GALNT14: variants seen among roughly 807,000 people sequenced by gnomAD.
GALNT14 encodes the protein UDP-GalNAc:polypeptide N-acetylgalactosaminyltransferase 14.
A neutral mutation model predicts 77.5 loss-of-function variants in GALNT14; 60 were observed. The ratio of observed to expected loss-of-function variants is 0.77; its 90% confidence interval spans 0.63 to 0.96. The LOEUF (loss-of-function observed/expected upper bound fraction) is 0.96, where lower values mean the gene tolerates loss of function less well. Ranked by LOEUF, GALNT14 falls within the 40% of genes least tolerant of loss-of-function variation. The pLI is 0.00. For synonymous variants in GALNT14, 280 were observed against 281.7 expected (o/e 0.99, Z 0.06); for missense variants, 710 against 731.0 (o/e 0.97, Z 0.33).
chr2:30,894,971 C>T, the GALNT14 span, among the ~76,000 whole-genome samples: 2 of 152,198 alleles, frequency 1.3e-5, no homozygotes, highest in African/African-American at 4.8e-5. Flanking sequence ...ACCTGACTGT[C>T]CATTGGCAGA....
chr2:31,010,106 C>T lies in GALNT14; in HGVS notation c.130-17099G>A, dbSNP rs570534838. ...GTTCAAGCGGTTCTCATGCCTCAGT[C>T]TCCTGAGTAGTTGGGATTACAGGAG... On this transcript the variant is annotated intron_variant, in intron 1 of 14. Transcript: ENST00000349752. Among the ~76,000 whole-genome samples, 6 of 152,346 alleles carry T rather than the reference C, an allele frequency of 3.9e-5. No homozygotes were observed. The South Asian group carries it at 1.2e-3, about 32-fold the overall frequency.
At chr2:30,984,691 T>C (rs1036038262) in intron 2 of GALNT14, among the ~76,000 whole-genome samples, 3 of 152,280 alleles carry the variant, frequency 2.0e-5, no homozygotes, top group East Asian at 3.9e-4. Context: ...AAATGCCTAC[T>C]ACCTGGTAAA....
At chr2:30,938,040 C>T (rs1169116509) in intron 9 of GALNT14, among the ~76,000 whole-genome samples, 8 of 150,798 alleles carry the variant, frequency 5.3e-5, no homozygotes, top group East Asian at 1.9e-4. Flanking sequence ...CACCCACCCA[C>T]CCCCCACCAC....
rs185272664 is a variant in GALNT14 at position 31,034,102 on chromosome 2, C to A, written c.130-41095G>T. On this transcript the variant is annotated intron_variant, in intron 1 of 14. Coordinates refer to ENST00000349752, the MANE Select transcript of GALNT14 (RefSeq NM_024572.4). ...AACAAATGGCAGAAAATTATGGAGC[C>A]AGGACTTAACTCAGTTTCTCTCCTT... Among the ~76,000 whole-genome samples, 30 of 152,264 alleles carry A rather than the reference C, an allele frequency of 2.0e-4. 2 individuals carry two copies. The East Asian group carries it at 4.1e-3, about 21-fold the overall frequency.
intron 1 of GALNT14, among the ~76,000 whole-genome samples, chr2:31,050,426 G>C (rs542722090): frequency 4.6e-4 from 70 of 152,286 alleles, no homozygotes; most frequent in African/African-American, 1.7e-3. Context: ...GTGTCACGTA[G>C]ATGGGGGAGG....
At chr2:31,124,326 C>T (rs999535075) in intron 1 of GALNT14, among the ~76,000 whole-genome samples, 2 of 152,156 alleles carry the variant, frequency 1.3e-5, no homozygotes, top group Non-Finnish European at 1.5e-5. Flanking sequence ...GGATAGCTGT[C>T]TTTTCTCTTT....
In GALNT14 at chr2:31,012,944, G is replaced by GATAAA. The variant is rs1244523378; in HGVS notation, c.130-19938_130-19937insTTTAT. 2.4e-3 allele frequency among the ~76,000 whole-genome samples: 367 copies of GATAAA among 152,270 alleles called. 2 individuals carry two copies. Among genetic ancestry groups the GATAAA allele is most frequent in the African/African-American group, 8.5e-3 (353 of 41,564 alleles). On this transcript the variant is annotated intron_variant, in intron 1 of 14. Coordinates refer to ENST00000349752, the MANE Select transcript of GALNT14 (RefSeq NM_024572.4). Reference sequence around the variant, plus strand: ...GGATTAGATGATTAAATAAAGCAATGGAATAAAGAATGATAAAACTGAGAA... The same window carrying GATAAA: ...GGATTAGATGATTAAATAAAGCAATGATAAAGAATAAAGAATGATAAAACTGAGAA...
At chr2:30,983,995 C>T (rs1245318419) in intron 2 of GALNT14, among the ~76,000 whole-genome samples, 1 of 152,190 alleles carries the variant, frequency 6.6e-6, no homozygotes, top group African/African-American at 2.4e-5. Flanking sequence ...GAGCCCGGGT[C>T]CCCTGACCTA....
At chr2:30,890,460 G>A in the GALNT14 span, among the ~76,000 whole-genome samples, 1 of 152,136 alleles carries the variant, frequency 6.6e-6, no homozygotes, top group Admixed American at 6.5e-5. Flanking sequence ...TAGGGTTGTT[G>A]AAAACTCTCA....
intron 1 of GALNT14, among the ~76,000 whole-genome samples, chr2:31,003,752 T>C (rs1042460536): frequency 2.6e-5 from 4 of 152,170 alleles, no homozygotes; most frequent in African/African-American, 9.6e-5. Context: ...CAGTGAAACA[T>C]AATATGATTA....
chr2:31,134,029 C>A (rs756138638), intron 1 of GALNT14, among the ~76,000 whole-genome samples: 7 of 152,164 alleles, frequency 4.6e-5, no homozygotes, highest in Non-Finnish European at 5.9e-5. Context: ...TGGGGCCCAG[C>A]GACCAGAGAT....
chr2:31,129,245 G>T, intron 1 of GALNT14: 1 of 471,604 alleles, frequency 2.1e-6, no homozygotes, highest in Non-Finnish European at 2.8e-6. Context: ...ATTCATCACA[G>T]TTCAGAAAAC....
At chr2:31,025,843 G>C (rs1289940852) in intron 1 of GALNT14, among the ~76,000 whole-genome samples, 1 of 152,156 alleles carries the variant, frequency 6.6e-6, no homozygotes, top group Non-Finnish European at 1.5e-5. Flanking sequence ...GAGTGCAAAG[G>C]CTGGTAACTC....
At position 30,910,713 on chromosome 2, in the gene GALNT14, G is replaced by T; in HGVS notation, c.*188C>A. ...GAGAACATGTGGGATTTGTCTTTGA[G>T]CCCCATTGGCTTGTGATGTTTTCCT... On this transcript the variant is annotated 3_prime_UTR_variant, in exon 15 of 15. Transcript: ENST00000349752. 3.5e-6 allele frequency: 2 copies of T among 568,832 alleles called. No homozygotes were observed. The highest frequency in any genetic ancestry group is 6.1e-6 in the Non-Finnish European group (2 of 327,922). 35.2% of individuals were successfully genotyped at this position (568,832 alleles called of 1,614,324 possible).
chr2:31,130,701 G>C (rs1203651577), intron 1 of GALNT14, among the ~76,000 whole-genome samples: 1 of 150,454 alleles, frequency 6.6e-6, no homozygotes, highest in Non-Finnish European at 1.5e-5. Context: ...CCAGCACATT[G>C]CAGGAGCTCC....
intron 2 of GALNT14, among the ~76,000 whole-genome samples, chr2:30,972,618 C>T (rs749851609): frequency 6.6e-6 from 1 of 152,232 alleles, no homozygotes; most frequent in Non-Finnish European, 1.5e-5. Flanking sequence ...TGAACCAGGC[C>T]TGCTGGACTC....
intron 1 of GALNT14, among the ~76,000 whole-genome samples, chr2:31,016,909 A>T (rs985161645): frequency 3.9e-5 from 6 of 152,190 alleles, no homozygotes; most frequent in African/African-American, 1.4e-4. Context: ...CCTGGCACAC[A>T]AAAGGGATCA....
intron 1 of GALNT14, among the ~76,000 whole-genome samples, chr2:31,125,937 A>T (rs1678680048): frequency 6.6e-6 from 1 of 152,146 alleles, no homozygotes; most frequent in African/African-American, 2.4e-5. Context: ...TCCTCTCTTT[A>T]ATCAGTCTTC....
rs1174119035 is a variant in GALNT14 at position 30,938,384 on chromosome 2, A to ACACACACACTCTCTCT, written c.931+3816_931+3817insAGAGAGAGTGTGTGTG. On this transcript the variant is annotated intron_variant, in intron 9 of 14. Coordinates refer to ENST00000349752, the MANE Select transcript of GALNT14 (RefSeq NM_024572.4). Reference sequence around the variant, plus strand: ...TACACACACACACACACACACACACACTCTCTCTCTCTCTCTCTCTCTCTA... The same window carrying ACACACACACTCTCTCT: ...TACACACACACACACACACACACACACACACACACTCTCTCTCTCTCTCTCTCTCTCTCTCTCTCTA... Among the ~76,000 whole-genome samples, 135 of 141,774 alleles carry ACACACACACTCTCTCT rather than the reference A, an allele frequency of 9.5e-4. No individual in the cohort carries two copies. In the Middle Eastern group the frequency reaches 0.015, roughly 16 times the overall value. 93.0% of individuals were successfully genotyped at this position (141,774 alleles called of 152,430 possible). A position where few individuals can be genotyped will look rare whatever the true frequency, so the allele number is the denominator to read the frequency against.
Sources: allele counts gnomAD v4.1 joint callset (sites outside exome capture counted in the v4.1 genomes callset), GRCh38; gene constraint gnomAD v4.1.1; transcripts MANE v1.5; gene names NCBI Gene and HGNC (gene_info 2026-07-23, HGNC 2026-07-21).